Variants in GPR83 observed in about 807,000 individuals in gnomAD.
The protein encoded by GPR83 is G-protein coupled receptor 72.
GPR83 carries 23 observed loss-of-function variants against 28.0 expected under a neutral mutation model. The ratio of observed to expected loss-of-function variants is 0.82; its 90% CI spans 0.59 to 1.16. The LOEUF (loss-of-function observed/expected upper bound fraction) is 1.16, where lower values mean the gene tolerates loss of function less well. GPR83 is among the 50% of genes most tolerant of loss of function. The probability of loss-of-function intolerance (pLI) is 0.00; values close to 1 mark genes in which losing one functional copy is unlikely to be tolerated. For missense variants in GPR83, 610 were observed against 536.6 expected (o/e 1.14, Z -1.35); for synonymous variants, 234 against 215.4 (o/e 1.09, Z -0.76).
intron 3 of GPR83, among the ~76,000 whole-genome samples, chr11:94,384,635 G>A (rs117884829): frequency 0.016 from 2,439 of 152,230 alleles, 24 homozygotes; most frequent in Non-Finnish European, 0.024. Flanking sequence ...TCAGGTCAGC[G>A]GCAGCGAGGC....
chr11:94,382,450 T>A (rs1476755154), intron 3 of GPR83, among the ~76,000 whole-genome samples: 1 of 149,774 alleles, frequency 6.7e-6, no homozygotes, highest in Admixed American at 6.6e-5. Flanking sequence ...CATTACATAA[T>A]GGTAAAGGGA....
chr11:94,388,329 C>T (rs945239315), intron 3 of GPR83, among the ~76,000 whole-genome samples: 2 of 152,148 alleles, frequency 1.3e-5, no homozygotes, highest in Admixed American at 1.3e-4. Context: ...CCAGGGCAAT[C>T]AGGCAGGAGA....
intron 3 of GPR83, among the ~76,000 whole-genome samples, chr11:94,385,739 G>A (rs1944747572): frequency 1.3e-5 from 2 of 152,218 alleles, no homozygotes; most frequent in Non-Finnish European, 2.9e-5. Flanking sequence ...ATCTGAAAGT[G>A]ACGGGGAGAA....
intron 3 of GPR83, among the ~76,000 whole-genome samples, chr11:94,390,852 T>C (rs1944810148): frequency 6.6e-6 from 1 of 152,188 alleles, no homozygotes; most frequent in South Asian, 2.1e-4. Flanking sequence ...AAACATTCCA[T>C]GCTCATGGAT....
chr11:94,381,705 C>A (rs1006848140), intron 3 of GPR83, among the ~76,000 whole-genome samples: 2 of 152,068 alleles, frequency 1.3e-5, no homozygotes, highest in East Asian at 3.9e-4. Context: ...GTGCCTAGGA[C>A]TCCCCTAAGG....
At chr11:94,393,788 C>G (rs558036836) in intron 2 of GPR83, among the ~76,000 whole-genome samples, 170 bp from the exon 3 acceptor site, 1 of 152,142 alleles carries the variant, frequency 6.6e-6, no homozygotes, top group Non-Finnish European at 1.5e-5. Flanking sequence ...CAGTGAGACC[C>G]TGTCTCTATA....
intron 3 of GPR83, among the ~76,000 whole-genome samples, chr11:94,383,342 A>G (rs1285233945): frequency 6.6e-6 from 1 of 152,190 alleles, no homozygotes; most frequent in African/African-American, 2.4e-5. Context: ...AGCAGTGTGT[A>G]GAGGGAAATT....
intron 1 of GPR83, among the ~76,000 whole-genome samples, 186 bp downstream of exon 1, chr11:94,400,675 G>A (rs1944902993): frequency 2.6e-5 from 4 of 151,958 alleles, no homozygotes; most frequent in African/African-American, 4.8e-5. Flanking sequence ...GATGACAGAG[G>A]AGGGAGAAAA....
chr11:94,390,589 A>C (rs986240966), intron 3 of GPR83, among the ~76,000 whole-genome samples: 2 of 152,206 alleles, frequency 1.3e-5, no homozygotes, highest in Non-Finnish European at 2.9e-5. Flanking sequence ...GTCTCAGCCC[A>C]AAATCTCCTT....
At chr11:94,383,854 C>CA (rs548991562) in intron 3 of GPR83, among the ~76,000 whole-genome samples, 4 of 151,906 alleles carry the variant, frequency 2.6e-5, no homozygotes, top group African/African-American at 9.7e-5. Flanking sequence ...GCCTACCAAC[C>CA]AAAAAAAGTC....
At chr11:94,394,026 G>T (rs372803510) in intron 2 of GPR83, among the ~76,000 whole-genome samples, 1 of 152,016 alleles carries the variant, frequency 6.6e-6, no homozygotes, top group South Asian at 2.1e-4. Flanking sequence ...TCAGAAAACC[G>T]GGGCAGGTCA....
At position 94,394,140 on chromosome 11, in the gene GPR83, G is replaced by A. The variant is rs115716497; in HGVS notation, c.514-522C>T. Among the ~76,000 whole-genome samples the A allele has an allele frequency of 2.9e-3, 449 of 152,302 alleles. 3 individuals are homozygous for A. The highest frequency in any genetic ancestry group is 9.2e-3 in the African/African-American group (381 of 41,570). On this transcript the variant is annotated intron_variant, in intron 2 of 3. Transcript: ENST00000243673. ...GCATGGCACCACGGCAAGGCTGGGA[G>A]AGGAGCAAGCCCACGGTCAGCCCCC... is the stretch of plus-strand genomic sequence containing the variant.
intron 2 of GPR83, among the ~76,000 whole-genome samples, 177 bp downstream of exon 2, chr11:94,396,220 CAA>C (rs916888581): frequency 2.6e-5 from 4 of 151,200 alleles, no homozygotes; most frequent in Non-Finnish European, 5.9e-5. Flanking sequence ...AACTCTGTCT[CAA>C]AAAAAAATTA....
At chr11:94,386,022 G>A (rs4619112) in intron 3 of GPR83, among the ~76,000 whole-genome samples, 80,173 of 152,002 alleles carry the variant, frequency 0.53, 21,753 homozygotes, top group East Asian at 0.64. Flanking sequence ...CTACAAGCCA[G>A]AAGAGAGTGG....
At chr11:94,383,955 AAG>A (rs1166600355) in intron 3 of GPR83, among the ~76,000 whole-genome samples, 1 of 152,224 alleles carries the variant, frequency 6.6e-6, no homozygotes, top group Non-Finnish European at 1.5e-5. Flanking sequence ...ACAATAGAAA[AAG>A]AAGGAATCCT....
At position 94,378,177 on chromosome 11, in the gene GPR83, A is replaced by T. The variant is rs1470917058; in HGVS notation, c.*1972T>A. ...TGCCCATAATTCAGTGAGTTTTCAA[A>T]ATCTTGTGTCTTGAAAATTTTCAAC... On this transcript the variant is annotated 3_prime_UTR_variant, in exon 4 of 4. Transcript: ENST00000243673. 1 of 149,628 alleles carries T rather than the reference A, an allele frequency of 6.7e-6. No homozygotes were observed. Among genetic ancestry groups the T allele is most frequent in the Non-Finnish European group, 1.5e-5 (1 of 67,420 alleles). The allele number at this position is 149,628 out of a possible 1,614,324, so 9.3% of individuals were successfully genotyped here.
chr11:94,393,341 G>A (rs1417796281), intron 3 of GPR83, 144 bp downstream of exon 3: 1 of 683,684 alleles, frequency 1.5e-6, no homozygotes, highest in African/African-American at 1.8e-5. Context: ...AACAGGATGG[G>A]AGCGAGCCAG....
chr11:94,393,999 G>T (rs1245962497), intron 2 of GPR83, among the ~76,000 whole-genome samples: 2 of 152,100 alleles, frequency 1.3e-5, no homozygotes, highest in African/African-American at 4.8e-5. Flanking sequence ...GAAGAGGAAA[G>T]AAAGGGTCAT....
chr11:94,398,055 C>CA lies in GPR83; in HGVS notation c.388-1532dup, dbSNP rs928774632. Among the ~76,000 whole-genome samples, 48 of 152,236 alleles carry CA rather than the reference C, an allele frequency of 3.2e-4. 1 individual carries two copies. The highest frequency in any genetic ancestry group is 1.3e-4 in the Non-Finnish European group (9 of 68,032). Reference sequence around the variant, plus strand: ...ACCAAATCCAACCAGTTCTGCCTCTCACTGATTTTCAAAACTGTTCCCTCT... The same window carrying CA: ...ACCAAATCCAACCAGTTCTGCCTCTCAACTGATTTTCAAAACTGTTCCCTCT... On this transcript the variant is annotated intron_variant, in intron 1 of 3. Transcript: ENST00000243673.
Sources: allele counts gnomAD v4.1 joint callset (sites outside exome capture counted in the v4.1 genomes callset), GRCh38; gene constraint gnomAD v4.1.1; transcripts MANE v1.5; gene names NCBI Gene and HGNC (gene_info 2026-07-23, HGNC 2026-07-21).